EPHA7: variants seen among roughly 807,000 people sequenced by gnomAD.
EPHA7 encodes the protein EPH receptor A7.
Under a neutral mutation model 112.6 loss-of-function variants are expected in EPHA7, and 25 were observed. The observed-to-expected ratio is 0.22, with a 90% confidence interval of 0.16 to 0.31. The LOEUF is 0.31. EPHA7 is among the 10% of genes least tolerant of loss of function. EPHA7 has a pLI of 1.00. For synonymous variants in EPHA7, 437 were observed against 406.5 expected, an observed-to-expected ratio of 1.07 and a Z score of -0.90; for missense variants, 962 against 1,212.6, an observed-to-expected ratio of 0.79 and a Z score of 3.07.
At chr6:93,367,362 T>C (rs955165369) in intron 3 of EPHA7, among the ~76,000 whole-genome samples, 1 of 152,168 alleles carries the variant, frequency 6.6e-6, no homozygotes, top group African/African-American at 2.4e-5. Flanking sequence ...ACATCAGTTT[T>C]ATTATACATT....
intron 14 of EPHA7, 29 bp downstream of exon 14, chr6:93,254,618 C>T (rs747562705): frequency 2.5e-6 from 4 of 1,596,842 alleles, no homozygotes; most frequent in East Asian, 4.5e-5. Context: ...GTATTCAATC[C>T]TTTTTGTTTA....
rs555322472 is a variant in EPHA7, at chr6:93,313,698, ATAAG to A, written c.1325-41280_1325-41277del. Among the ~76,000 whole-genome samples the A allele has an allele frequency of 3.0e-3, 453 of 152,170 alleles. 2 individuals carry two copies. Among genetic ancestry groups the A allele is most frequent in the African/African-American group, 0.01 (424 of 41,520 alleles). On this transcript the variant is annotated intron_variant, in intron 5 of 16. Transcript: ENST00000369303. ...TGATTTCTGATTTAAAAAAATAAAA[ATAAG>A]TAAGTATTAATCATTAAGCTTAAGT...
chr6:93,414,099 C>T (rs890566828), intron 2 of EPHA7, among the ~76,000 whole-genome samples: 5 of 151,852 alleles, frequency 3.3e-5, no homozygotes, highest in African/African-American at 9.7e-5. Flanking sequence ...ACAATTTTCA[C>T]TCATATCTAT....
At chr6:93,359,480 A>C (rs1776133004) in intron 3 of EPHA7, among the ~76,000 whole-genome samples, 1 of 151,926 alleles carries the variant, frequency 6.6e-6, no homozygotes, top group South Asian at 2.1e-4. Context: ...ATATCTGTAA[A>C]GAAAAGTTAG....
rs763224115 is a variant in EPHA7 at position 93,241,013 on chromosome 6, T to C, written c.*2413A>G. Reference sequence around the variant, plus strand: ...TCCCTGTAAAGAGCTGTAAAAAATTTAAGGCAGATGAGGTATATTGCTGAA... The same window carrying C: ...TCCCTGTAAAGAGCTGTAAAAAATTCAAGGCAGATGAGGTATATTGCTGAA... On this transcript the variant is annotated 3_prime_UTR_variant, in exon 17 of 17. Transcript: ENST00000369303. 13 of 212,694 alleles carry C rather than the reference T, an allele frequency of 6.1e-5. No homozygotes were observed. The highest frequency in any genetic ancestry group is 1.1e-4 in the Non-Finnish European group (12 of 105,032). 13.2% of individuals were successfully genotyped at this position (212,694 alleles called of 1,614,324 possible).
chr6:93,262,486 A>G (rs899893351), intron 9 of EPHA7, among the ~76,000 whole-genome samples: 1 of 151,334 alleles, frequency 6.6e-6, no homozygotes, highest in African/African-American at 2.4e-5. Context: ...GAAAGAATAC[A>G]TGATTATATA....
intron 3 of EPHA7, among the ~76,000 whole-genome samples, chr6:93,406,978 C>T (rs1464914145): frequency 6.6e-6 from 1 of 151,728 alleles, no homozygotes; most frequent in African/African-American, 2.4e-5. Flanking sequence ...TAAAAGTATA[C>T]TAAATGAAAT....
At chr6:93,379,512 C>A (rs996141737) in intron 3 of EPHA7, among the ~76,000 whole-genome samples, 8 of 151,804 alleles carry the variant, frequency 5.3e-5, no homozygotes, top group Non-Finnish European at 1.0e-4. Flanking sequence ...CGATATGTAA[C>A]AATAACTTTT....
At chr6:93,417,091 G>A (rs1450209438) in intron 1 of EPHA7, among the ~76,000 whole-genome samples, 2 of 152,144 alleles carry the variant, frequency 1.3e-5, no homozygotes, top group African/African-American at 4.8e-5. Context: ...CGGCATTTAC[G>A]GAGAGAAAAA....
chr6:93,282,684 G>A (rs535586013), intron 5 of EPHA7, among the ~76,000 whole-genome samples: 15 of 152,302 alleles, frequency 9.8e-5, no homozygotes, highest in Middle Eastern at 3.4e-3. Context: ...TGCGCACAGC[G>A]CTTGCGGGCC....
chr6:93,268,929 T>A (rs187717336), intron 7 of EPHA7, among the ~76,000 whole-genome samples: 7 of 151,906 alleles, frequency 4.6e-5, no homozygotes, highest in African/African-American at 1.7e-4. Context: ...TTAGTATGCA[T>A]GAAATATTCC....
At chr6:93,374,172 AAG>A (rs1484966764) in intron 3 of EPHA7, among the ~76,000 whole-genome samples, 4 of 152,146 alleles carry the variant, frequency 2.6e-5, no homozygotes, top group Non-Finnish European at 5.9e-5. Flanking sequence ...TAACTCCCTG[AAG>A]AGAGTCATTA....
intron 3 of EPHA7, among the ~76,000 whole-genome samples, chr6:93,378,861 T>A (rs1190037007): frequency 1.3e-5 from 2 of 152,140 alleles, no homozygotes; most frequent in Admixed American, 6.6e-5. Flanking sequence ...GATTCTGGAT[T>A]CTGCTTCTAA....
rs573965653 is a variant in EPHA7 at position 93,304,233 on chromosome 6, G to A, written c.1325-31811C>T. ...AGTATATACTTGTAGTATACACTGA[G>A]CAAGTGTACACTTGCTCAGATTTTG... On this transcript the variant is annotated intron_variant, in intron 5 of 16. Transcript: ENST00000369303. Among the ~76,000 whole-genome samples the A allele has an allele frequency of 1.4e-3, 210 of 151,222 alleles. 1 individual carries two copies. Among genetic ancestry groups the A allele is most frequent in the African/African-American group, 4.8e-3 (200 of 41,378 alleles).
intron 7 of EPHA7, among the ~76,000 whole-genome samples, chr6:93,268,955 A>C (rs1771078839): frequency 6.6e-6 from 1 of 151,808 alleles, no homozygotes; most frequent in Admixed American, 6.6e-5. Flanking sequence ...AAAAATGAAA[A>C]ATGTCAAAAA....
intron 5 of EPHA7, among the ~76,000 whole-genome samples, chr6:93,307,919 C>A (rs1036420806): frequency 2.6e-5 from 4 of 152,108 alleles, no homozygotes; most frequent in Admixed American, 2.6e-4. Flanking sequence ...CTACTTAGTT[C>A]TCAAATATCA....
At chr6:93,399,184 G>A (rs930284554) in intron 3 of EPHA7, among the ~76,000 whole-genome samples, 4 of 151,982 alleles carry the variant, frequency 2.6e-5, no homozygotes, top group African/African-American at 9.7e-5. Flanking sequence ...TCACGTAAGA[G>A]GTGCCCACTG....
intron 5 of EPHA7, among the ~76,000 whole-genome samples, chr6:93,338,593 A>G (rs565943102): frequency 6.6e-6 from 1 of 152,152 alleles, no homozygotes; most frequent in East Asian, 1.9e-4. Context: ...ATTTCCTCAA[A>G]GTTCTCAATT....
intron 3 of EPHA7, among the ~76,000 whole-genome samples, chr6:93,407,421 C>T (rs747156160): frequency 1.3e-5 from 2 of 152,030 alleles, no homozygotes; most frequent in Non-Finnish European, 2.9e-5. Context: ...GAGGCAAGTA[C>T]TCTTGCAGCA....
Sources: allele counts gnomAD v4.1 joint callset (sites outside exome capture counted in the v4.1 genomes callset), GRCh38; gene constraint gnomAD v4.1.1; transcripts MANE v1.5; gene names NCBI Gene and HGNC (gene_info 2026-07-23, HGNC 2026-07-21).